SLC25A39: variants seen among roughly 807,000 people sequenced by gnomAD.
SLC25A39 encodes mitochondrial glutathione transporter SLC25A39.
SLC25A39 carries 44 observed loss-of-function variants against 46.6 expected under a neutral mutation model. The observed-to-expected ratio is 0.94, with a 90% CI of 0.74 to 1.21. SLC25A39 has a LOEUF of 1.21. SLC25A39 is among the 50% of genes most tolerant of loss of function. SLC25A39 has a pLI of 0.00. For missense variants in SLC25A39, 487 were observed against 473.0 expected (o/e 1.03, Z -0.28); for synonymous variants, 218 against 190.6 (o/e 1.14, Z -1.19).
chr17:44,321,497 G>C lies in SLC25A39; in HGVS notation c.454C>G (p.Leu152Val). 1.2e-6 allele frequency: 2 copies of C among 1,614,116 alleles called. No individual in the cohort carries two copies. Among genetic ancestry groups the C allele is most frequent in the Non-Finnish European group, 1.7e-6 (2 of 1,179,996 alleles). ...TCAGAGGTCAGGGCTCGACCACACAGGAAGGCCTTCAGTTGGTCATAGGCA... is the reference window on the plus strand; with the variant it reads ...TCAGAGGTCAGGGCTCGACCACACACGAAGGCCTTCAGTTGGTCATAGGCA... The part of the protein sequence containing the change: ...FTAYDQLKAF[L>V]CGRALTSDLY... Residue 152 changes from leucine (L) to valine (V), a missense_variant, in exon 7 of 12, where the codon CTG becomes GTG. Physicochemically the swap from Leu to Val is conservative, Grantham distance 32. Transcript: ENST00000377095.
At chr17:44,320,845 C>T in intron 8 of SLC25A39, 114 bp from the exon 9 acceptor site, 1 of 1,019,970 alleles carries the variant, frequency 9.8e-7, no homozygotes, top group Non-Finnish European at 1.5e-6. Flanking sequence ...CTGCTACATG[C>T]AGGCTCAGAA....
intron 3 of SLC25A39, 84 bp downstream of exon 3, chr17:44,323,200 G>C: frequency 6.6e-7 from 1 of 1,523,860 alleles, no homozygotes; most frequent in South Asian, 1.1e-5. Context: ...TGGGATTACA[G>C]GTATGAGAAA....
chr17:44,320,656 C>T lies in SLC25A39; in HGVS notation c.767G>A (p.Gly256Asp). The change falls in exon 9 of 12, where the codon GGC (glycine) becomes GAC (aspartate). Residue 256 changes from glycine to aspartate, a missense_variant. Coordinates refer to ENST00000377095, the MANE Select transcript of SLC25A39 (RefSeq NM_001143780.3). ...GFRPKDQTSV[G>D]MSFVAGGISG... ...GATGCCACCAGCCACAAAGCTCATG[C>T]CCACAGAAGTCTGGTCCTTCGGCCT... 6.2e-7 allele frequency: 1 copy of T among 1,614,134 alleles called. No individual in the cohort carries two copies. The highest frequency in any genetic ancestry group is 1.1e-5 in the South Asian group (1 of 91,086).
rs765823933 is a variant in SLC25A39 at position 44,321,470 on chromosome 17, G to C, written c.481C>G (p.Leu161Val). ...FLCGRALTSD[L>V]YAPMVAGALA... ...GCGCCAGCCACCATGGGTGCGTAGA[G>C]GTCAGAGGTCAGGGCTCGACCACAC... Residue 161 changes from leucine (L) to valine (V), a missense_variant, in exon 7 of 12, where the codon CTC becomes GTC. Physicochemically the swap from Leu to Val is conservative, Grantham distance 32. Transcript: ENST00000377095. The C allele has an allele frequency of 3.7e-6, 6 of 1,613,994 alleles. No individual in the cohort carries two copies. The highest frequency in any genetic ancestry group is 3.3e-5 in the Admixed American group (2 of 60,014).
Position 44,324,704 on chromosome 17 carries a change from C to T in SLC25A39, c.-16+7G>A, listed in dbSNP as rs2143230978. 1 of 152,430 alleles carries T rather than the reference C, an allele frequency of 6.6e-6. No homozygotes were observed. Among genetic ancestry groups the T allele is most frequent in the African/African-American group, 2.4e-5 (1 of 41,574 alleles). The allele number at this position is 152,430 out of a possible 1,614,324, so 9.4% of individuals were successfully genotyped here. A position where few individuals can be genotyped will look rare whatever the true frequency, so the allele number is the denominator to read the frequency against. On this transcript the variant is annotated splice_region_variant and intron_variant, in intron 1 of 11. Coordinates refer to ENST00000377095, the MANE Select transcript of SLC25A39 (RefSeq NM_001143780.3). ...TCCGCCCCCAGCCCCGGCCCAGTGC[C>T]GCCTACCTGGCTCTAGGCTGGTGCT...
chr17:44,320,652 C>T lies in SLC25A39; in HGVS notation c.771G>A (p.Met257Ile). Residue 257 changes from methionine (M) to isoleucine (I), a missense_variant, in exon 9 of 12, where the codon ATG (methionine) becomes ATA (isoleucine). Met to Ile is a conservative substitution (Grantham distance 10). Coordinates refer to ENST00000377095, the MANE Select transcript of SLC25A39 (RefSeq NM_001143780.3). ...FRPKDQTSVG[M>I]SFVAGGISGT... Reference sequence around the variant, plus strand: ...CTGAGATGCCACCAGCCACAAAGCTCATGCCCACAGAAGTCTGGTCCTTCG... The same window carrying T: ...CTGAGATGCCACCAGCCACAAAGCTTATGCCCACAGAAGTCTGGTCCTTCG... The T allele has an allele frequency of 1.9e-6, 3 of 1,614,136 alleles. No homozygotes were observed. The highest frequency in any genetic ancestry group is 2.5e-6 in the Non-Finnish European group (3 of 1,180,034).
At chr17:44,323,439 A>AGACCCCCCCC in intron 2 of SLC25A39, 39 bp downstream of exon 2, 1 of 257,108 alleles carries the variant, frequency 3.9e-6, no homozygotes, top group Non-Finnish European at 5.7e-6. Context: ...GGTCTGCCCC[A>AGACCCCCCCC]TCCCCACCCG....
intron 8 of SLC25A39, 52 bp from the exon 9 acceptor site, chr17:44,320,783 C>T (rs1380023138): frequency 2.9e-6 from 4 of 1,399,958 alleles, no homozygotes; most frequent in East Asian, 2.3e-5. Flanking sequence ...GGAAGTGGCC[C>T]CAGACCGTCC....
Position 44,320,696 on chromosome 17 carries a change from A to G in SLC25A39, c.727T>C (p.Trp243Arg). Residue 243 changes from tryptophan (W) to arginine (R), a missense_variant, in exon 9 of 12, where the codon TGG becomes CGG. Transcript: ENST00000377095. Reference protein sequence around the residue: ...YWFNYELVKSWLNGFRPKDQT... With the variant: ...YWFNYELVKSRLNGFRPKDQT... ...TCCTTCGGCCTGAACCCATTGAGCC[A>G]GCTCTTCACCAGCTCATAGTTGAAC... 1 of 1,614,086 alleles carries G rather than the reference A, an allele frequency of 6.2e-7. No homozygotes were observed. The highest frequency in any genetic ancestry group is 8.5e-7 in the Non-Finnish European group (1 of 1,180,004).
chr17:44,323,444 C>CCCCA, intron 2 of SLC25A39, 34 bp downstream of exon 2: 4 of 1,246,152 alleles, frequency 3.2e-6, no homozygotes, highest in South Asian at 2.7e-5. Flanking sequence ...GCCCCATCCC[C>CCCCA]ACCCGCCCCC....
At position 44,320,064 on chromosome 17, in the gene SLC25A39, G is replaced by A; in HGVS notation, c.1017C>T (p.Ser339=). The A allele has an allele frequency of 1.2e-6, 2 of 1,614,082 alleles. No individual in the cohort carries two copies. The highest frequency in any genetic ancestry group is 1.7e-6 in the Non-Finnish European group (2 of 1,180,022). Residue 339 remains serine (S), a synonymous_variant, in exon 12 of 12, where the codon AGC becomes AGT. Coordinates refer to ENST00000377095, the MANE Select transcript of SLC25A39 (RefSeq NM_001143780.3). The part of the protein sequence containing the change: ...KAAPSCAIMI[S]TYEFGKSFFQ... Reference sequence around the variant, plus strand: ...AGAAGCTTTTGCCGAACTCATAGGTGCTGATCATGATGGCACAGGAGGGGG... The same window carrying A: ...AGAAGCTTTTGCCGAACTCATAGGTACTGATCATGATGGCACAGGAGGGGG...
chr17:44,323,179 T>C lies in SLC25A39; in HGVS notation c.145+105A>G, dbSNP rs988227104. 1.7e-5 allele frequency: 24 copies of C among 1,401,524 alleles called. No individual in the cohort carries two copies. In the African/African-American group the frequency reaches 3.1e-4, roughly 18 times the overall value. The allele number at this position is 1,401,524 out of a possible 1,614,324, so 86.8% of individuals were successfully genotyped here. ...CTCAGGTGATCCACCCACCTCAGCCTCCCAAAGCGCTGGGATTACAGGTAT... is the reference window on the plus strand; with the variant it reads ...CTCAGGTGATCCACCCACCTCAGCCCCCCAAAGCGCTGGGATTACAGGTAT... On this transcript the variant is annotated intron_variant, in intron 3 of 11. Transcript: ENST00000377095.
Position 44,323,467 on chromosome 17 carries a change from C to CCCCCCCGATT in SLC25A39, c.85+10_85+11insAATCGGGGGG. On this transcript the variant is annotated intron_variant, in intron 2 of 11. Coordinates refer to ENST00000377095, the MANE Select transcript of SLC25A39 (RefSeq NM_001143780.3). ...CCCACCCGCCCCCACCCCACCTCCC[C>CCCCCCCGATT]TAGGTCTTACTGAAGAGAGAGGTAA... is the stretch of plus-strand genomic sequence containing the variant. 1 of 1,546,122 alleles carries CCCCCCCGATT rather than the reference C, an allele frequency of 6.5e-7. No individual in the cohort carries two copies. The highest frequency in any genetic ancestry group is 8.7e-7 in the Non-Finnish European group (1 of 1,144,914).
intron 4 of SLC25A39, 76 bp from the exon 5 acceptor site, chr17:44,322,628 A>G: frequency 1.3e-6 from 2 of 1,570,332 alleles, no homozygotes; most frequent in Non-Finnish European, 1.7e-6. Context: ...CTATCCCTGG[A>G]AGGCCAGTAA....
In SLC25A39 at chr17:44,322,526, T is replaced by C. The variant is rs1365709785; in HGVS notation, c.217A>G (p.Lys73Glu). Residue 73 changes from lysine (K) to glutamate (E), a missense_variant, in exon 5 of 12, where the codon AAG becomes GAG. Lys to Glu is a moderately conservative substitution (Grantham distance 56). Coordinates refer to ENST00000377095, the MANE Select transcript of SLC25A39 (RefSeq NM_001143780.3). Reference protein sequence around the residue: ...KLPSSLQSTGKCLLYCNGVLE... With the variant: ...KLPSSLQSTGECLLYCNGVLE... ...ACACCATTGCAATACAGGAGGCACT[T>C]CCCTGTGGATTGGAGAGAGGAGGGC... 1 of 1,614,058 alleles carries C rather than the reference T, an allele frequency of 6.2e-7. No homozygotes were observed. Among genetic ancestry groups the C allele is most frequent in the East Asian group, 2.2e-5 (1 of 44,880 alleles).
Position 44,321,749 on chromosome 17 carries a change from C to A in SLC25A39, c.343G>T (p.Val115Leu). ...TGTMDAFVKI[V>L]RHEGTRTLWS... The stretch of plus-strand genomic sequence containing the variant: ...AGGGTCCTGGTGCCCTCGTGCCTCA[C>A]GATCTTCACGAAGGCATCCTGGCCA... Residue 115 changes from valine (V) to leucine (L), a missense_variant, in exon 6 of 12, where the codon GTG becomes TTG. By Grantham distance (32) the Val-to-Leu change is conservative. Transcript: ENST00000377095. The A allele has an allele frequency of 6.2e-7, 1 of 1,612,316 alleles. No homozygotes were observed. Among genetic ancestry groups the A allele is most frequent in the Non-Finnish European group, 8.5e-7 (1 of 1,179,108 alleles).
In SLC25A39 at chr17:44,322,086, TA is replaced by T. The variant is rs2048060823; in HGVS notation, c.325-320del. 1.3e-5 allele frequency among the ~76,000 whole-genome samples: 2 copies of T among 152,142 alleles called. 1 individual carries two copies. The highest frequency in any genetic ancestry group is 3.9e-4 in the East Asian group (2 of 5,186). On this transcript the variant is annotated intron_variant, in intron 5 of 11. Coordinates refer to ENST00000377095, the MANE Select transcript of SLC25A39 (RefSeq NM_001143780.3). ...CAACACGGCAAAACCCTGTCTCTACTAAAAATACAAAAATTAGCGGCAGGTG... is the reference window on the plus strand; with the variant it reads ...CAACACGGCAAAACCCTGTCTCTACTAAAATACAAAAATTAGCGGCAGGTG...
chr17:44,322,671 G>A lies in SLC25A39; in HGVS notation c.191-119C>T, dbSNP rs992538530. ...GTCCCTGTGTGGATGTTCTGGTGCAGGTCACAGGACTGGCTGGCAGGACCT... is the reference window on the plus strand; with the variant it reads ...GTCCCTGTGTGGATGTTCTGGTGCAAGTCACAGGACTGGCTGGCAGGACCT... On this transcript the variant is annotated intron_variant, in intron 4 of 11. Transcript: ENST00000377095. 5.1e-6 allele frequency: 8 copies of A among 1,558,166 alleles called. No individual in the cohort carries two copies. In the South Asian group the frequency reaches 9.5e-5, roughly 18 times the overall value.
At chr17:44,323,439 A>AGGCCC in intron 2 of SLC25A39, 39 bp downstream of exon 2, 1 of 257,112 alleles carries the variant, frequency 3.9e-6, no homozygotes, top group Non-Finnish European at 5.7e-6. Flanking sequence ...GGTCTGCCCC[A>AGGCCC]TCCCCACCCG....
Sources: allele counts gnomAD v4.1 joint callset (sites outside exome capture counted in the v4.1 genomes callset), GRCh38; gene constraint gnomAD v4.1.1; transcripts MANE v1.5; gene names NCBI Gene and HGNC (gene_info 2026-07-23, HGNC 2026-07-21).